Variants in MVD observed in about 807,000 individuals in gnomAD.
MVD encodes diphosphomevalonate decarboxylase.
A neutral mutation model predicts 42.4 loss-of-function variants in MVD; 52 were observed. That is an observed-to-expected ratio of 1.23 (90% CI 0.98 to 1.55). The LOEUF is 1.55. Ranked by LOEUF, MVD falls within the 40% of genes most tolerant of loss-of-function variation. The pLI, the probability that MVD is intolerant of heterozygous loss-of-function variation, is 0.00. For synonymous variants in MVD, 287 were observed against 243.2 expected (o/e 1.18, Z -1.68); for missense variants, 663 against 572.1 (o/e 1.16, Z -1.62).
intron 1 of MVD, chr16:88,660,431 G>T (rs1908221452): frequency 6.6e-6 from 1 of 152,102 alleles, no homozygotes; most frequent in Non-Finnish European, 1.5e-5. Context: ...GATCACTTGA[G>T]GTCAGGAGTT....
intron 9 of MVD, 145 bp downstream of exon 9, chr16:88,653,155 T>C (rs1907684788): frequency 3.0e-6 from 2 of 665,214 alleles, no homozygotes; most frequent in East Asian, 2.9e-5. Flanking sequence ...TGAGAGCAAA[T>C]GAATGGACAA....
chr16:88,658,788 G>C, intron 1 of MVD, 68 bp from the exon 2 acceptor site: 4 of 1,116,894 alleles, frequency 3.6e-6, no homozygotes, highest in South Asian at 2.7e-5. Context: ...TTCCCCACAG[G>C]TGCCCCCACC....
intron 9 of MVD, 53 bp downstream of exon 9, chr16:88,653,247 C>A (rs997070767): frequency 6.9e-7 from 1 of 1,451,938 alleles, no homozygotes. Flanking sequence ...GCTGGGCGGG[C>A]CCCCCTGGCA....
intron 7 of MVD, 174 bp downstream of exon 7, chr16:88,655,025 G>T: frequency 6.3e-6 from 6 of 952,516 alleles, no homozygotes; most frequent in Non-Finnish European, 9.3e-6. Context: ...GGCAAGTCAA[G>T]AAACAAAATG....
Position 88,662,997 on chromosome 16 carries a change from C to T in MVD, c.70+14G>A, listed in dbSNP as rs560815464. 8 of 1,594,162 alleles carry T rather than the reference C, an allele frequency of 5.0e-6. No homozygotes were observed. Among genetic ancestry groups the T allele is most frequent in the South Asian group, 3.4e-5 (3 of 88,550 alleles). On this transcript the variant is annotated intron_variant, in intron 1 of 9. Coordinates refer to ENST00000301012, the MANE Select transcript of MVD (RefSeq NM_002461.3). ...CCCGGCCATCCCCGTCCCAGGCCGG[C>T]CCGCGGCACTCACAGTACTTGATGA...
chr16:88,656,178 T>C lies in MVD; in HGVS notation c.530A>G (p.Asp177Gly), dbSNP rs750620841. 1.2e-6 allele frequency: 2 copies of C among 1,601,832 alleles called. No homozygotes were observed. The highest frequency in any genetic ancestry group is 2.2e-5 in the East Asian group (1 of 44,868). The change falls in exon 5 of 10, where the codon GAC becomes GGC. Residue 177 changes from aspartate (D) to glycine (G), a missense_variant. Physicochemically the swap from Asp to Gly is moderately conservative, Grantham distance 94. Transcript: ENST00000301012. ...TTGCCGAGCGATGCTGTCCTTCCCG[T>C]CGGCCTGCTCTCCCATCTGCCACTC... is the stretch of plus-strand genomic sequence containing the variant. Reference protein sequence around the residue: ...FVEWQMGEQADGKDSIARQVA... With the variant: ...FVEWQMGEQAGGKDSIARQVA...
chr16:88,652,358 T>C lies in MVD; in HGVS notation c.*167A>G, dbSNP rs929670131. The C allele has an allele frequency of 5.1e-5, 37 of 728,386 alleles. No homozygotes were observed. In the South Asian group the frequency reaches 5.8e-4, roughly 11 times the overall value. 45.1% of individuals were successfully genotyped at this position (728,386 alleles called of 1,614,324 possible). Reference sequence around the variant, plus strand: ...CTCGGCGGGGACCTCTCCTGACACCTGGGCGGCCGCAGGACTCCCTGCACT... The same window carrying C: ...CTCGGCGGGGACCTCTCCTGACACCCGGGCGGCCGCAGGACTCCCTGCACT... On this transcript the variant is annotated 3_prime_UTR_variant, in exon 10 of 10. Transcript: ENST00000301012.
chr16:88,655,803 C>A lies in MVD; in HGVS notation c.604-73G>T, dbSNP rs549485697. On this transcript the variant is annotated intron_variant, in intron 5 of 9. Transcript: ENST00000301012. ...CCCAAGGACCTCAGCCTCAAACACT[C>A]GGCCCTCCCTCAGCCAATGCAGGCA... The A allele has an allele frequency of 6.6e-6, 10 of 1,506,152 alleles. No individual in the cohort carries two copies. In the East Asian group the frequency reaches 1.7e-4, roughly 26 times the overall value. 93.3% of individuals were successfully genotyped at this position (1,506,152 alleles called of 1,614,324 possible).
intron 5 of MVD, 129 bp from the exon 6 acceptor site, chr16:88,655,859 AC>A: frequency 8.3e-7 from 1 of 1,211,498 alleles, no homozygotes; most frequent in Non-Finnish European, 1.1e-6. Flanking sequence ...CACCTGCCTG[AC>A]CACAGAGGCC....
chr16:88,658,063 A>G, intron 2 of MVD, 34 bp from the exon 3 acceptor site: 1 of 1,593,092 alleles, frequency 6.3e-7, no homozygotes, highest in South Asian at 1.1e-5. Context: ...CTCAGAGGCC[A>G]GCATTGAGGA....
At chr16:88,656,501 G>C in intron 4 of MVD, 197 bp from the exon 5 acceptor site, 1 of 622,650 alleles carries the variant, frequency 1.6e-6, no homozygotes. Context: ...TTCCACTCTC[G>C]GACACTCTCT....
intron 4 of MVD, 157 bp downstream of exon 4, chr16:88,657,279 G>T: frequency 9.7e-7 from 1 of 1,035,254 alleles, no homozygotes; most frequent in Non-Finnish European, 1.4e-6. Flanking sequence ...ATGTGCTCTG[G>T]GAAGAGACTG....
Position 88,653,398 on chromosome 16 carries a change from C to G in MVD, c.1024G>C (p.Gly342Arg). 1.3e-5 allele frequency: 21 copies of G among 1,605,802 alleles called. No individual in the cohort carries two copies. The highest frequency in any genetic ancestry group is 1.8e-5 in the Non-Finnish European group (21 of 1,177,758). Reference protein sequence around the residue: ...PGSNGDTFLKGLQVRPAPLSA... With the variant: ...PGSNGDTFLKRLQVRPAPLSA... ...AGAGGGGCCGGCCTCACCTGCAGCC[C>G]CTTCAGAAACCTGGAAAAGCAGGGC... The change falls in exon 9 of 10, where the codon GGG (glycine) becomes CGG (arginine). Residue 342 changes from glycine (G) to arginine (R), a missense_variant. Coordinates refer to ENST00000301012, the MANE Select transcript of MVD (RefSeq NM_002461.3).
intron 4 of MVD, chr16:88,656,534 G>A (rs1805142496): frequency 5.0e-6 from 3 of 594,538 alleles, no homozygotes; most frequent in Admixed American, 5.9e-5. Context: ...CAGAGCTTGC[G>A]GCCCGCGACA....
chr16:88,654,566 G>C lies in MVD; in HGVS notation c.1013+126C>G. On this transcript the variant is annotated intron_variant, in intron 8 of 9. Coordinates refer to ENST00000301012, the MANE Select transcript of MVD (RefSeq NM_002461.3). ...CACCCTGCCCGTGGCTCCCACACTC[G>C]GGGGACTGCTGCCTGCCCTGGGACT... 12 of 910,508 alleles carry C rather than the reference G, an allele frequency of 1.3e-5. 1 individual carries two copies. The South Asian group carries it at 2.2e-4, about 17-fold the overall frequency. The allele number at this position is 910,508 out of a possible 1,614,324, so 56.4% of individuals were successfully genotyped here. A position where few individuals can be genotyped will look rare whatever the true frequency, so the allele number is the denominator to read the frequency against.
Position 88,657,488 on chromosome 16 carries a change from G to A in MVD, c.351C>T (p.Asn117=), listed in dbSNP as rs768053006. The change falls in exon 4 of 10, where the codon AAC becomes AAT. Residue 117 remains asparagine, a synonymous_variant. Coordinates refer to ENST00000301012, the MANE Select transcript of MVD (RefSeq NM_002461.3). ...AGGCCAGGCCCGCAGCCGTGGGGAA[G>A]TTGTTCACCGATGCCACGTGCACCT... ...SCKVHVASVN[N]FPTAAGLASS... is the part of the protein sequence containing the mutation. 4.3e-6 allele frequency: 7 copies of A among 1,612,636 alleles called. No homozygotes were observed. The highest frequency in any genetic ancestry group is 5.9e-6 in the Non-Finnish European group (7 of 1,179,910).
At chr16:88,658,758 C>A (rs200707007) in intron 1 of MVD, 38 bp from the exon 2 acceptor site, 1 of 1,497,724 alleles carries the variant, frequency 6.7e-7, no homozygotes, top group Non-Finnish European at 9.0e-7. Context: ...GTGGGCTTCC[C>A]GGCCCACCCT....
intron 4 of MVD, chr16:88,657,049 G>C (rs1198312333): frequency 5.3e-6 from 2 of 378,754 alleles, no homozygotes; most frequent in African/African-American, 2.1e-5. Flanking sequence ...GGCTGAGCCA[G>C]TTTGAAGTGG....
At chr16:88,658,154 G>C in intron 2 of MVD, 125 bp from the exon 3 acceptor site, 2 of 882,422 alleles carry the variant, frequency 2.3e-6, no homozygotes, top group Admixed American at 2.3e-5. Context: ...GCTGAGGGCA[G>C]GGGGGGAAAG....
Sources: allele counts gnomAD v4.1 joint callset, GRCh38; gene constraint gnomAD v4.1.1; transcripts MANE v1.5; gene names NCBI Gene and HGNC (gene_info 2026-07-23, HGNC 2026-07-21).